The following SLC41A2 variants were observed in gnomAD, a reference collection of about 807,000 sequenced individuals.
SLC41A2 encodes the protein SLC41A1-like 1.
A neutral mutation model predicts 58.3 loss-of-function variants in SLC41A2; 32 were observed. That is an observed-to-expected ratio of 0.55 (90% CI 0.41 to 0.74). The LOEUF (loss-of-function observed/expected upper bound fraction) is 0.74. Ranked by LOEUF, SLC41A2 falls within the 30% of genes least tolerant of loss-of-function variation. SLC41A2 has a pLI of 0.00. For missense variants in SLC41A2, 514 were observed against 680.6 expected (o/e 0.76, Z 2.72); for synonymous variants, 190 against 235.0 (o/e 0.81, Z 1.75).
intron 3 of SLC41A2, among the ~76,000 whole-genome samples, chr12:104,900,834 A>G (rs1464837284): frequency 6.6e-6 from 1 of 152,194 alleles, no homozygotes; most frequent in African/African-American, 2.4e-5. Context: ...ATTTGACTTT[A>G]TTTTAGAACT....
At chr12:104,872,203 G>T (rs1273188085) in intron 6 of SLC41A2, among the ~76,000 whole-genome samples, 5 of 152,126 alleles carry the variant, frequency 3.3e-5, no homozygotes, top group African/African-American at 1.2e-4. Context: ...GCTTAAGAAG[G>T]TAAGTTTCCA....
intron 1 of SLC41A2, among the ~76,000 whole-genome samples, chr12:104,947,686 A>G (rs1241981296): frequency 1.3e-5 from 2 of 152,114 alleles, no homozygotes; most frequent in African/African-American, 4.8e-5. Flanking sequence ...ATAAATACAT[A>G]CTAAACGGTA....
chr12:104,879,105 G>C (rs1212770104), intron 6 of SLC41A2, among the ~76,000 whole-genome samples: 1 of 152,234 alleles, frequency 6.6e-6, no homozygotes, highest in South Asian at 2.1e-4. Context: ...CTGCATAAAT[G>C]TTTTCTTTTG....
intron 10 of SLC41A2, among the ~76,000 whole-genome samples, chr12:104,827,424 G>T (rs988827048): frequency 1.3e-5 from 2 of 151,928 alleles, no homozygotes; most frequent in Non-Finnish European, 2.9e-5. Context: ...TTCCCAGAGT[G>T]CACCTGTTAA....
chr12:104,955,301 C>G (rs1459066125), intron 1 of SLC41A2, among the ~76,000 whole-genome samples: 5 of 152,112 alleles, frequency 3.3e-5, no homozygotes, highest in African/African-American at 9.7e-5. Flanking sequence ...CAAGCATGAA[C>G]CACTGCACCC....
chr12:104,872,819 G>A (rs1418290859), intron 6 of SLC41A2, among the ~76,000 whole-genome samples: 1 of 152,204 alleles, frequency 6.6e-6, no homozygotes, highest in South Asian at 2.1e-4. Context: ...CAGCACATGA[G>A]GGGGTATTCA....
rs1386300373 is a variant in SLC41A2 at position 104,889,133 on chromosome 12, A to G, written c.780T>C (p.Ile260=). ...VVGFLAAVAA[I]ILGWIPEGKY... Reference sequence around the variant, plus strand: ...TTCCTTCTGGAATCCAGCCCAATATAATTGCTGCCACAGCTGCTAGAAAAC... The same window carrying G: ...TTCCTTCTGGAATCCAGCCCAATATGATTGCTGCCACAGCTGCTAGAAAAC... Residue 260 remains isoleucine (I), a synonymous_variant, in exon 5 of 11, where the codon ATT becomes ATC. Coordinates refer to ENST00000258538, the MANE Select transcript of SLC41A2 (RefSeq NM_001352171.3). 1 of 1,610,806 alleles carries G rather than the reference A, an allele frequency of 6.2e-7. No individual in the cohort carries two copies. The highest frequency in any genetic ancestry group is 1.3e-5 in the African/African-American group (1 of 74,862).
At chr12:104,938,728 C>T (rs551555660) in intron 1 of SLC41A2, among the ~76,000 whole-genome samples, 1 of 152,258 alleles carries the variant, frequency 6.6e-6, no homozygotes, top group African/African-American at 2.4e-5. Context: ...TCCCAGAAAG[C>T]CACTGAGAGT....
At chr12:104,822,119 T>C (rs2041662174) in intron 10 of SLC41A2, among the ~76,000 whole-genome samples, 1 of 152,094 alleles carries the variant, frequency 6.6e-6, no homozygotes, top group African/African-American at 2.4e-5. Context: ...TCTTGGTTTC[T>C]AACAAGAAGA....
chr12:104,881,354 G>A lies in SLC41A2; in HGVS notation c.1027+4939C>T, dbSNP rs182873062. On this transcript the variant is annotated intron_variant, in intron 6 of 10. Transcript: ENST00000258538. Reference sequence around the variant, plus strand: ...TGATCTTAGTTATATCTTGCCTTCCGCTAGCTTTTGAATGTGTTTGCTCTT... The same window carrying A: ...TGATCTTAGTTATATCTTGCCTTCCACTAGCTTTTGAATGTGTTTGCTCTT... Among the ~76,000 whole-genome samples, 576 of 152,156 alleles carry A rather than the reference G, an allele frequency of 3.8e-3. 3 individuals carry two copies. The highest frequency in any genetic ancestry group is 0.01 in the Middle Eastern group (3 of 294).
chr12:104,870,025 A>T (rs2043682823), intron 6 of SLC41A2, among the ~76,000 whole-genome samples: 1 of 152,240 alleles, frequency 6.6e-6, no homozygotes, highest in South Asian at 2.1e-4. Context: ...GGATGAATAA[A>T]ATCTAGTAAT....
chr12:104,955,699 A>T (rs2135999403), intron 1 of SLC41A2, among the ~76,000 whole-genome samples: 1 of 152,100 alleles, frequency 6.6e-6, no homozygotes. Context: ...CAATCATATT[A>T]GATCAGTGGA....
intron 3 of SLC41A2, among the ~76,000 whole-genome samples, chr12:104,905,199 C>T (rs2045773402): frequency 6.6e-6 from 1 of 152,172 alleles, no homozygotes; most frequent in Non-Finnish European, 1.5e-5. Flanking sequence ...TTGAGCTAAA[C>T]ACAGGGTGCT....
At chr12:104,845,011 C>A (rs1476091208) in intron 9 of SLC41A2, among the ~76,000 whole-genome samples, 2 of 152,128 alleles carry the variant, frequency 1.3e-5, no homozygotes, top group African/African-American at 2.4e-5. Context: ...TGGCCACGCA[C>A]AGTGGCTCAC....
At chr12:104,935,933 C>G (rs1397698242) in intron 1 of SLC41A2, among the ~76,000 whole-genome samples, 1 of 152,054 alleles carries the variant, frequency 6.6e-6, no homozygotes, top group Non-Finnish European at 1.5e-5. Context: ...ATCTCAGCTA[C>G]TCGGGAGGCT....
At chr12:104,898,561 A>G (rs1049648466) in intron 3 of SLC41A2, among the ~76,000 whole-genome samples, 3 of 151,396 alleles carry the variant, frequency 2.0e-5, no homozygotes, top group African/African-American at 7.3e-5. Flanking sequence ...AAAAAAAACT[A>G]TATGTACATT....
chr12:104,945,848 G>T (rs2047698962), intron 1 of SLC41A2, among the ~76,000 whole-genome samples: 2 of 152,098 alleles, frequency 1.3e-5, no homozygotes, highest in Non-Finnish European at 2.9e-5. Flanking sequence ...TCTTATATGG[G>T]TTACACACTT....
intron 6 of SLC41A2, among the ~76,000 whole-genome samples, chr12:104,871,387 G>A (rs917828377): frequency 6.6e-6 from 1 of 152,098 alleles, no homozygotes; most frequent in Admixed American, 6.5e-5. Context: ...GTTGAATCTT[G>A]TTAATAGCTT....
intron 10 of SLC41A2, among the ~76,000 whole-genome samples, chr12:104,817,022 A>G (rs192131582): frequency 4.6e-5 from 7 of 152,332 alleles, no homozygotes; most frequent in Admixed American, 4.6e-4. Flanking sequence ...CACCGTGCAA[A>G]CATCAGAGAG....
Sources: gnomAD v4.1 joint callset for allele counts (sites outside exome capture counted in the v4.1 genomes callset) on GRCh38, gnomAD v4.1.1 for gene constraint, MANE v1.5 for transcripts, NCBI Gene and HGNC (gene_info 2026-07-23, HGNC 2026-07-21) for gene names.